PDZD8: variants seen among roughly 807,000 people sequenced by gnomAD.
PDZD8 encodes PDZ domain-containing protein 8.
In PDZD8, 14 loss-of-function variants were observed where a neutral mutation model predicts 85.8. The observed-to-expected ratio is 0.16, with a 90% CI of 0.11 to 0.26. PDZD8 has a LOEUF of 0.26. Ranked by LOEUF, PDZD8 falls within the 10% of genes least tolerant of loss-of-function variation. The probability of loss-of-function intolerance (pLI) is 1.00; values close to 1 mark genes in which losing one functional copy is unlikely to be tolerated. For synonymous variants in PDZD8, 592 were observed against 568.6 expected (o/e 1.04, Z -0.59); for missense variants, 1,197 against 1,424.3 (o/e 0.84, Z 2.57).
chr10:117,309,921 A>C (rs1428831493), intron 3 of PDZD8, among the ~76,000 whole-genome samples: 1 of 152,180 alleles, frequency 6.6e-6, no homozygotes, highest in Non-Finnish European at 1.5e-5. Context: ...ACTCAAATCC[A>C]GCTCTCAATC....
chr10:117,345,828 T>A (rs2255367), intron 1 of PDZD8, among the ~76,000 whole-genome samples: 3 of 152,016 alleles, frequency 2.0e-5, no homozygotes, highest in African/African-American at 7.3e-5. Context: ...GTAGTAGGCT[T>A]TGGAGAGAAT....
chr10:117,292,114 T>C (rs1844777966), intron 3 of PDZD8, among the ~76,000 whole-genome samples: 1 of 152,176 alleles, frequency 6.6e-6, no homozygotes, highest in Non-Finnish European at 1.5e-5. Context: ...TATTCGCTGG[T>C]AAAAGAACCC....
At chr10:117,326,139 A>G (rs1844312652) in intron 2 of PDZD8, among the ~76,000 whole-genome samples, 1 of 152,148 alleles carries the variant, frequency 6.6e-6, no homozygotes, top group Non-Finnish European at 1.5e-5. Flanking sequence ...TCTTTTCTTT[A>G]TAAATTACCC....
At chr10:117,294,488 T>C (rs1468865324) in intron 3 of PDZD8, among the ~76,000 whole-genome samples, 3 of 152,170 alleles carry the variant, frequency 2.0e-5, no homozygotes, top group African/African-American at 7.2e-5. Flanking sequence ...AATGATCCAA[T>C]AATCCCACTA....
chr10:117,336,231 T>A (rs1731968207), intron 2 of PDZD8, among the ~76,000 whole-genome samples: 1 of 152,216 alleles, frequency 6.6e-6, no homozygotes, highest in African/African-American at 2.4e-5. Context: ...TGGCATCATG[T>A]CAGCACCGAA....
intron 3 of PDZD8, among the ~76,000 whole-genome samples, chr10:117,307,195 T>C (rs1564694164): frequency 1.3e-5 from 2 of 152,108 alleles, no homozygotes; most frequent in African/African-American, 2.4e-5. Flanking sequence ...GTGATCTCTC[T>C]GGGTAGTGGA....
intron 1 of PDZD8, among the ~76,000 whole-genome samples, chr10:117,351,056 A>G (rs1311604022): frequency 6.6e-6 from 1 of 152,192 alleles, no homozygotes; most frequent in African/African-American, 2.4e-5. Flanking sequence ...AAGAACAAAC[A>G]ATGCCAAATG....
intron 1 of PDZD8, among the ~76,000 whole-genome samples, chr10:117,365,871 C>G (rs1845079865): frequency 6.6e-6 from 1 of 152,036 alleles, no homozygotes; most frequent in Non-Finnish European, 1.5e-5. Context: ...TACTTGTTTC[C>G]TGGTGACACT....
At chr10:117,306,771 C>T (rs1843951192) in intron 3 of PDZD8, among the ~76,000 whole-genome samples, 1 of 151,900 alleles carries the variant, frequency 6.6e-6, no homozygotes, top group Admixed American at 6.6e-5. Flanking sequence ...TTATCCTAAA[C>T]CCAGATTTTC....
chr10:117,349,330 A>G (rs1248334357), intron 1 of PDZD8, among the ~76,000 whole-genome samples: 1 of 152,230 alleles, frequency 6.6e-6, no homozygotes, highest in Non-Finnish European at 1.5e-5. Context: ...AGGCAATTTG[A>G]TAAGAGAAAA....
At chr10:117,360,419 C>G (rs542522078) in intron 1 of PDZD8, among the ~76,000 whole-genome samples, 11 of 152,086 alleles carry the variant, frequency 7.2e-5, no homozygotes, top group Admixed American at 5.9e-4. Flanking sequence ...TGGGCAAATC[C>G]AAACTCTTAT....
chr10:117,323,368 C>A (rs572798046), intron 2 of PDZD8, among the ~76,000 whole-genome samples: 1 of 152,308 alleles, frequency 6.6e-6, no homozygotes, highest in Admixed American at 6.5e-5. Context: ...TACTGCTCCC[C>A]TCTATCCTAC....
intron 3 of PDZD8, among the ~76,000 whole-genome samples, chr10:117,312,483 C>T (rs1844055561): frequency 6.6e-6 from 1 of 152,116 alleles, no homozygotes; most frequent in Non-Finnish European, 1.5e-5. Context: ...GCCAGAAACT[C>T]TACTAGGTGC....
At chr10:117,305,969 A>G (rs1474487083) in intron 3 of PDZD8, among the ~76,000 whole-genome samples, 2 of 152,138 alleles carry the variant, frequency 1.3e-5, no homozygotes, top group African/African-American at 4.8e-5. Flanking sequence ...GTGACATCTG[A>G]TATCTACCAC....
chr10:117,301,372 G>A (rs1348333692), intron 3 of PDZD8, among the ~76,000 whole-genome samples: 1 of 152,098 alleles, frequency 6.6e-6, no homozygotes, highest in African/African-American at 2.4e-5. Context: ...TGAATATCAG[G>A]AACTTGGGCC....
At chr10:117,353,278 T>C (rs1380000410) in intron 1 of PDZD8, among the ~76,000 whole-genome samples, 4 of 152,302 alleles carry the variant, frequency 2.6e-5, no homozygotes, top group Admixed American at 6.5e-5. Flanking sequence ...CTATTAATAC[T>C]GACTTGGAGT....
At chr10:117,307,383 CATG>C (rs1843961876) in intron 3 of PDZD8, among the ~76,000 whole-genome samples, 1 of 152,018 alleles carries the variant, frequency 6.6e-6, no homozygotes, top group Non-Finnish European at 1.5e-5. Flanking sequence ...AAATCTGCTT[CATG>C]ATACTTCCTT....
chr10:117,334,869 C>G (rs1399299182), intron 2 of PDZD8, among the ~76,000 whole-genome samples: 1 of 151,642 alleles, frequency 6.6e-6, no homozygotes, highest in African/African-American at 2.4e-5. Context: ...AACAAATAAA[C>G]AAGCAAACAA....
intron 1 of PDZD8, among the ~76,000 whole-genome samples, chr10:117,370,499 C>T (rs1845170060): frequency 6.6e-6 from 1 of 152,206 alleles, no homozygotes. Context: ...AGACTCCATA[C>T]AATTCTCTTT....
Sources: allele counts gnomAD v4.1 joint callset (sites outside exome capture counted in the v4.1 genomes callset), GRCh38; gene constraint gnomAD v4.1.1; transcripts MANE v1.5; gene names NCBI Gene and HGNC (gene_info 2026-07-23, HGNC 2026-07-21).